Variants in DNAH17 observed in about 807,000 individuals in gnomAD.
The protein encoded by DNAH17 is dynein axonemal heavy chain 17, also known as axonemal beta dynein heavy chain 17.
Under a neutral mutation model 485.6 loss-of-function variants are expected in DNAH17, and 376 were observed. The observed-to-expected ratio is 0.77, with a 90% CI of 0.71 to 0.84. The LOEUF is 0.84. Ranked by LOEUF, DNAH17 falls within the 40% of genes least tolerant of loss-of-function variation. DNAH17 has a pLI of 0.00. For synonymous variants in DNAH17, 3,031 were observed against 2,405.9 expected (o/e 1.26, Z -7.60); for missense variants, 6,370 against 5,839.3 (o/e 1.09, Z -2.96).
chr17:78,515,490 C>T (rs756603823), intron 25 of DNAH17, among the ~76,000 whole-genome samples: 136 of 151,628 alleles, frequency 9.0e-4, no homozygotes, highest in Non-Finnish European at 1.5e-3. Flanking sequence ...GCCTGGGTGA[C>T]AGAGTGAGAC....
chr17:78,466,380 T>A (rs1260071879), intron 56 of DNAH17, among the ~76,000 whole-genome samples: 3 of 152,090 alleles, frequency 2.0e-5, no homozygotes, highest in Admixed American at 2.0e-4. Flanking sequence ...CCCTCCACTA[T>A]TGTCCTATGA....
intron 18 of DNAH17, among the ~76,000 whole-genome samples, chr17:78,538,356 T>C (rs1218446936): frequency 6.6e-6 from 1 of 152,036 alleles, no homozygotes; most frequent in African/African-American, 2.4e-5. Flanking sequence ...AGTGATGGGA[T>C]TGAGAACCCA....
intron 26 of DNAH17, among the ~76,000 whole-genome samples, chr17:78,511,478 A>G (rs1406883128): frequency 6.6e-6 from 1 of 152,098 alleles, no homozygotes; most frequent in Non-Finnish European, 1.5e-5. Flanking sequence ...TGAATCCACC[A>G]CCTTTGGCAG....
chr17:78,424,418 GC>G, intron 80 of DNAH17: 1 of 429,584 alleles, frequency 2.3e-6, no homozygotes, highest in Non-Finnish European at 4.2e-6. Flanking sequence ...CATTTTCAGA[GC>G]CTCATCTGTC....
chr17:78,439,007 C>A (rs963204207), intron 73 of DNAH17, 83 bp downstream of exon 73: 19 of 1,526,658 alleles, frequency 1.2e-5, no homozygotes, highest in Admixed American at 4.4e-5. Context: ...CCACATCCTG[C>A]TTCCTTCCGG....
At chr17:78,544,637 C>T (rs111463298) in intron 16 of DNAH17, among the ~76,000 whole-genome samples, 3 of 151,856 alleles carry the variant, frequency 2.0e-5, no homozygotes, top group Admixed American at 2.0e-4. Flanking sequence ...CCTGTCTCTA[C>T]TAAAAATACA....
At chr17:78,426,810 G>A (rs1277109622) in intron 78 of DNAH17, 116 bp downstream of exon 78, 8 of 1,333,630 alleles carry the variant, frequency 6.0e-6, no homozygotes, top group Non-Finnish European at 8.3e-6. Flanking sequence ...GCTCTGGAGA[G>A]GGAGCAGTAC....
At chr17:78,498,694 T>C (rs2090165072) in intron 37 of DNAH17, 2 of 193,602 alleles carry the variant, frequency 1.0e-5, no homozygotes, top group Non-Finnish European at 2.1e-5. Flanking sequence ...GCACCTCCTA[T>C]GCCCAGCTCC....
At position 78,525,950 on chromosome 17, in the gene DNAH17, T is replaced by G. The variant is rs1377247794; in HGVS notation, c.3711+701A>C. Among the ~76,000 whole-genome samples the G allele has an allele frequency of 2.0e-5, 3 of 152,158 alleles. No homozygotes were observed. The East Asian group carries it at 5.8e-4, about 29-fold the overall frequency. On this transcript the variant is annotated intron_variant, in intron 24 of 80. Transcript: ENST00000389840. ...CCCTGAGGACCCTGGGGTTCACATT[T>G]GCTAGAGCCTGTGAGGCGGAGGTGC...
chr17:78,526,746 G>A lies in DNAH17; in HGVS notation c.3625-9C>T, dbSNP rs368080705. On this transcript the variant is annotated splice_polypyrimidine_tract_variant and intron_variant, in intron 23 of 80. Coordinates refer to ENST00000389840, the MANE Select transcript of DNAH17 (RefSeq NM_173628.4). ...AACTCATGTTGCTTGAGCTGCGAGA[G>A]AAGAGTGCAAAGTACAGAGAGTCAC... 71 of 1,602,504 alleles carry A rather than the reference G, an allele frequency of 4.4e-5. No individual in the cohort carries two copies. The Middle Eastern group carries it at 1.2e-3, about 27-fold the overall frequency.
chr17:78,450,620 T>C, intron 67 of DNAH17, 62 bp downstream of exon 67: 5 of 1,555,932 alleles, frequency 3.2e-6, no homozygotes, highest in Non-Finnish European at 4.3e-6. Flanking sequence ...GAGGCGCCGA[T>C]CGCCCGTGGC....
At chr17:78,493,939 C>T in intron 41 of DNAH17, 97 bp downstream of exon 41, 1 of 1,468,484 alleles carries the variant, frequency 6.8e-7, no homozygotes, top group Non-Finnish European at 9.0e-7. Context: ...GGGTTGGGGT[C>T]TCCGGGGTGG....
At chr17:78,479,155 T>C (rs574164799) in intron 50 of DNAH17, 39 bp from the exon 51 acceptor site, 5 of 1,596,540 alleles carry the variant, frequency 3.1e-6, no homozygotes, top group East Asian at 2.2e-5. Context: ...TCATGTACTC[T>C]TGATGGCCCC....
chr17:78,425,352 TG>T lies in DNAH17; in HGVS notation c.13134del (p.Phe4378LeufsTer19). 2 of 1,613,834 alleles carry T rather than the reference TG, an allele frequency of 1.2e-6. No individual in the cohort carries two copies. Among genetic ancestry groups the T allele is most frequent in the Non-Finnish European group, 1.7e-6 (2 of 1,179,788 alleles). Reference protein sequence around the residue: ...PREGSYVYGLFMEGARWDTQT... With the variant: ...PREGSYVYGLXMEGARWDTQT... The stretch of plus-strand genomic sequence containing the variant: ...AGACAAGAGCCCTCCTTACCTTCCA[TG>T]AAGAGTCCGTACACGTAGGAGCCCT... On this transcript the variant is annotated frameshift_variant, in exon 80 of 81. Transcript: ENST00000389840. LOFTEE classifies it high-confidence loss of function.
At chr17:78,427,627 C>T (rs2086522073) in intron 77 of DNAH17, among the ~76,000 whole-genome samples, 1 of 152,196 alleles carries the variant, frequency 6.6e-6, no homozygotes, top group Admixed American at 6.5e-5. Context: ...TCAGTCTTTA[C>T]CGGGAAGTCC....
rs1264437853 is a variant in DNAH17 at position 78,450,838 on chromosome 17, G to A, written c.10743C>T (p.Leu3581=). Residue 3581 remains leucine (L), a synonymous_variant, in exon 67 of 81, where the codon CTC becomes CTT. Coordinates refer to ENST00000389840, the MANE Select transcript of DNAH17 (RefSeq NM_173628.4). ...RPDLEQLKAN[L]TKSQNEFKIV... is the part of the protein sequence containing the mutation. ...TCTTAAATTCGTTTTGAGACTTGGT[G>A]AGGTTTGCCTGCAAGGGGAGGTGCA... is the stretch of plus-strand genomic sequence containing the variant. 6.2e-7 allele frequency: 1 copy of A among 1,613,964 alleles called. No homozygotes were observed. Among genetic ancestry groups the A allele is most frequent in the Admixed American group, 1.7e-5 (1 of 60,032 alleles).
In DNAH17 at chr17:78,480,797, A is replaced by T. The variant is rs766569972; in HGVS notation, c.7650-11T>A. ...TTATGTCTGTCATACCTGAGGGGGG[A>T]AACCAGCATTCATGTTGTGCCCCTG... On this transcript the variant is annotated splice_polypyrimidine_tract_variant and intron_variant, in intron 48 of 80. Coordinates refer to ENST00000389840, the MANE Select transcript of DNAH17 (RefSeq NM_173628.4). 1 of 1,602,268 alleles carries T rather than the reference A, an allele frequency of 6.2e-7. No individual in the cohort carries two copies. Among genetic ancestry groups the T allele is most frequent in the Middle Eastern group, 1.8e-4 (1 of 5,454 alleles).
At position 78,466,809 on chromosome 17, in the gene DNAH17, A is replaced by G; in HGVS notation, c.8786T>C (p.Leu2929Pro). The part of the protein sequence containing the change: ...EKVRRQLKVI[L>P]CFSPVGSVLR... The stretch of plus-strand genomic sequence containing the variant: ...CACGGAGCCCACAGGGGAGAAACAC[A>G]GGATCACCTGGGTGTGGGAGACACA... Residue 2929 changes from leucine (L) to proline (P), a missense_variant, in exon 56 of 81, where the codon CTG becomes CCG. Transcript: ENST00000389840. 1 of 1,588,182 alleles carries G rather than the reference A, an allele frequency of 6.3e-7. No individual in the cohort carries two copies. Among genetic ancestry groups the G allele is most frequent in the Non-Finnish European group, 8.6e-7 (1 of 1,167,910 alleles).
chr17:78,441,048 T>G lies in DNAH17; in HGVS notation c.11677+3A>C. On this transcript the variant is annotated splice_donor_region_variant and intron_variant, in intron 72 of 80. Transcript: ENST00000389840. ...GAGAACATCACTTGCCTGCTACACT[T>G]ACCCAGGGCTTCCACGTCTTTCAAG... 6.3e-7 allele frequency: 1 copy of G among 1,577,494 alleles called. No homozygotes were observed. Among genetic ancestry groups the G allele is most frequent in the Non-Finnish European group, 8.6e-7 (1 of 1,160,872 alleles).
Sources: allele counts gnomAD v4.1 joint callset (sites outside exome capture counted in the v4.1 genomes callset), GRCh38; gene constraint gnomAD v4.1.1; transcripts MANE v1.5; gene names NCBI Gene and HGNC (gene_info 2026-07-23, HGNC 2026-07-21).